The following CDH8 variants were observed in gnomAD, a reference collection of about 807,000 sequenced individuals.
CDH8 encodes cadherin 8.
Under a neutral mutation model 68.1 loss-of-function variants are expected in CDH8, and 17 were observed. The observed-to-expected ratio is 0.25, with a 90% CI of 0.17 to 0.37. The LOEUF is 0.37. Ranked by LOEUF, CDH8 falls within the 10% of genes least tolerant of loss-of-function variation. The probability of loss-of-function intolerance (pLI) is 1.00; values close to 1 mark genes in which losing one functional copy is unlikely to be tolerated. For synonymous variants in CDH8, 372 were observed against 365.1 expected, an observed-to-expected ratio of 1.02 and a Z score of -0.21; for missense variants, 763 against 999.3, an observed-to-expected ratio of 0.76 and a Z score of 3.19.
At chr16:61,914,445 C>CAAGAGAGATTTTG (rs1964206072) in intron 2 of CDH8, among the ~76,000 whole-genome samples, 2 of 152,060 alleles carry the variant, frequency 1.3e-5, no homozygotes, top group Non-Finnish European at 2.9e-5. Flanking sequence ...ATGTGCTTTA[C>CAAGAGAGATTTTG]CTGTCAAGAG....
At chr16:61,698,541 T>C (rs1439846399) in intron 10 of CDH8, among the ~76,000 whole-genome samples, 1 of 152,234 alleles carries the variant, frequency 6.6e-6, no homozygotes, top group Non-Finnish European at 1.5e-5. Flanking sequence ...TCCTCCTTTT[T>C]TCCCCTCAGG....
rs1216857807 is a variant in CDH8, at chr16:61,713,751, A to G, written c.1654+90T>C. ...AAGTGCTCATAGTTGAACAAAAATTATCTTAATGATAATTTTCAGTTATGT... is the reference window on the plus strand; with the variant it reads ...AAGTGCTCATAGTTGAACAAAAATTGTCTTAATGATAATTTTCAGTTATGT... On this transcript the variant is annotated intron_variant, in intron 10 of 11. Coordinates refer to ENST00000577390, the MANE Select transcript of CDH8 (RefSeq NM_001796.5). 1.7e-5 allele frequency: 12 copies of G among 720,820 alleles called. No individual in the cohort carries two copies. In the African/African-American group the frequency reaches 2.1e-4, roughly 13 times the overall value. The allele number at this position is 720,820 out of a possible 1,614,324, so 44.7% of individuals were successfully genotyped here.
At chr16:61,777,410 A>T (rs141995510) in intron 8 of CDH8, among the ~76,000 whole-genome samples, 2 of 152,258 alleles carry the variant, frequency 1.3e-5, no homozygotes, top group South Asian at 4.1e-4. Context: ...AGTAAGAGTT[A>T]TTGTTACAGC....
chr16:61,851,927 A>C (rs1962946459), intron 4 of CDH8, among the ~76,000 whole-genome samples: 1 of 151,972 alleles, frequency 6.6e-6, no homozygotes, highest in Non-Finnish European at 1.5e-5. Context: ...GAAGGTCAAA[A>C]ATTGAGGTAT....
intron 4 of CDH8, among the ~76,000 whole-genome samples, chr16:61,851,316 T>C (rs1426254685): frequency 6.6e-6 from 1 of 152,036 alleles, no homozygotes; most frequent in Non-Finnish European, 1.5e-5. Context: ...AAATGTTGTT[T>C]GTACCCAATG....
At chr16:62,006,188 G>C (rs562847104) in intron 2 of CDH8, among the ~76,000 whole-genome samples, 4 of 152,300 alleles carry the variant, frequency 2.6e-5, no homozygotes, top group African/African-American at 9.6e-5. Context: ...TGGCCTTCTG[G>C]GTTATTGGGA....
Position 61,783,345 on chromosome 16 carries a change from A to G in CDH8, c.1414+6001T>C, listed in dbSNP as rs1201040109. ...TGGAAGAAAGGGTATCAGCAATGGA[A>G]GATGAAATGAATGAAATGAAGCGAG... On this transcript the variant is annotated intron_variant, in intron 8 of 11. Coordinates refer to ENST00000577390, the MANE Select transcript of CDH8 (RefSeq NM_001796.5). Among the ~76,000 whole-genome samples the G allele has an allele frequency of 6.6e-4, 92 of 140,444 alleles. 2 individuals carry two copies. The highest frequency in any genetic ancestry group is 2.4e-3 in the African/African-American group (89 of 36,474). 92.1% of individuals were successfully genotyped at this position (140,444 alleles called of 152,430 possible).
intron 8 of CDH8, among the ~76,000 whole-genome samples, chr16:61,782,454 G>A (rs949458001): frequency 2.6e-5 from 4 of 152,032 alleles, no homozygotes; most frequent in South Asian, 4.2e-4. Flanking sequence ...ACGGAGTCTC[G>A]CTGATTGCTA....
intron 4 of CDH8, among the ~76,000 whole-genome samples, chr16:61,856,735 G>A (rs1223974050): frequency 1.3e-5 from 2 of 152,034 alleles, no homozygotes; most frequent in Non-Finnish European, 2.9e-5. Flanking sequence ...TATGTGGTAC[G>A]TTCCATACCC....
chr16:61,880,588 T>C (rs938815865), intron 3 of CDH8, among the ~76,000 whole-genome samples: 3 of 152,160 alleles, frequency 2.0e-5, no homozygotes, highest in African/African-American at 7.2e-5. Context: ...GAGAAATGAC[T>C]TCACAGTTGA....
At chr16:61,952,603 A>C (rs1964915727) in intron 2 of CDH8, among the ~76,000 whole-genome samples, 1 of 152,216 alleles carries the variant, frequency 6.6e-6, no homozygotes, top group Non-Finnish European at 1.5e-5. Flanking sequence ...CAATCTATGC[A>C]AAAGTCAAAA....
At chr16:62,008,787 C>G (rs1180354355) in intron 2 of CDH8, among the ~76,000 whole-genome samples, 2 of 151,994 alleles carry the variant, frequency 1.3e-5, no homozygotes, top group Non-Finnish European at 2.9e-5. Flanking sequence ...AAAACAGTGG[C>G]CTTGATCAAT....
rs550026310 is a variant in CDH8, at chr16:61,803,340, C to T, written c.1278-13858G>A. Among the ~76,000 whole-genome samples, 80 of 133,444 alleles carry T rather than the reference C, an allele frequency of 6.0e-4. 1 individual carries two copies. In the Middle Eastern group the frequency reaches 0.011, roughly 18 times the overall value. The allele number at this position is 133,444 out of a possible 152,430, so 87.5% of individuals were successfully genotyped here. On this transcript the variant is annotated intron_variant, in intron 7 of 11. Coordinates refer to ENST00000577390, the MANE Select transcript of CDH8 (RefSeq NM_001796.5). ...AGCGCTAAACATGGAAAGGAACAAC[C>T]GGTACCAGCCGCTGCAAAATCATGC...
intron 2 of CDH8, among the ~76,000 whole-genome samples, chr16:62,013,860 G>A (rs1901876227): frequency 6.6e-6 from 1 of 152,106 alleles, no homozygotes; most frequent in South Asian, 2.1e-4. Flanking sequence ...ATCTGGTTGT[G>A]TCATCCGTAA....
At chr16:61,748,780 G>A (rs987502457) in intron 8 of CDH8, among the ~76,000 whole-genome samples, 2 of 151,852 alleles carry the variant, frequency 1.3e-5, no homozygotes, top group Non-Finnish European at 2.9e-5. Context: ...AACTTGACCC[G>A]AGCATTCATC....
At position 61,861,617 on chromosome 16, in the gene CDH8, G is replaced by A. The variant is rs181953781; in HGVS notation, c.548-4379C>T. The stretch of plus-strand genomic sequence containing the variant: ...TCAAAGTTTTGCGTGAGGATCACAT[G>A]TAATCACATGAAGTATAGAAAAGTG... On this transcript the variant is annotated intron_variant, in intron 3 of 11. Coordinates refer to ENST00000577390, the MANE Select transcript of CDH8 (RefSeq NM_001796.5). Among the ~76,000 whole-genome samples, 9 of 152,306 alleles carry A rather than the reference G, an allele frequency of 5.9e-5. No homozygotes were observed. In the East Asian group the frequency reaches 1.5e-3, roughly 26 times the overall value.
At chr16:61,841,439 T>G (rs1410567492) in intron 4 of CDH8, among the ~76,000 whole-genome samples, 1 of 152,084 alleles carries the variant, frequency 6.6e-6, no homozygotes, top group Admixed American at 6.5e-5. Context: ...AAGACAAACA[T>G]CACATGTTCT....
rs778497935 is a variant in CDH8, at chr16:61,655,463, T to C, written c.1906+7A>G. The C allele has an allele frequency of 1.9e-6, 3 of 1,613,938 alleles. No homozygotes were observed. The highest frequency in any genetic ancestry group is 2.5e-6 in the Non-Finnish European group (3 of 1,179,948). On this transcript the variant is annotated splice_region_variant and intron_variant, in intron 11 of 11. Coordinates refer to ENST00000577390, the MANE Select transcript of CDH8 (RefSeq NM_001796.5). ...GGTGACCGGTAGGCTATGAAGGAAATACGTACCTAACAGCAAAATGATGCA... is the reference window on the plus strand; with the variant it reads ...GGTGACCGGTAGGCTATGAAGGAAACACGTACCTAACAGCAAAATGATGCA...
At chr16:61,946,031 A>G (rs1597082232) in intron 2 of CDH8, among the ~76,000 whole-genome samples, 2 of 151,944 alleles carry the variant, frequency 1.3e-5, no homozygotes, top group South Asian at 2.1e-4. Flanking sequence ...CAAAACTGCT[A>G]TCTGTCAAAG....
Sources: allele counts gnomAD v4.1 joint callset (sites outside exome capture counted in the v4.1 genomes callset), GRCh38; gene constraint gnomAD v4.1.1; transcripts MANE v1.5; gene names NCBI Gene and HGNC (gene_info 2026-07-23, HGNC 2026-07-21).